CNBD1: variants seen among roughly 807,000 people sequenced by gnomAD.
CNBD1 encodes the protein cyclic nucleotide-binding domain-containing protein 1.
Under a neutral mutation model 54.4 loss-of-function variants are expected in CNBD1, and 71 were observed. That is an observed-to-expected ratio of 1.30 (90% CI 1.08 to 1.59). The LOEUF is 1.59. Ranked by LOEUF, CNBD1 falls within the 40% of genes most tolerant of loss-of-function variation. The pLI, the probability that CNBD1 is intolerant of heterozygous loss-of-function variation, is 0.00. For missense variants in CNBD1, 659 were observed against 518.0 expected, an observed-to-expected ratio of 1.27 and a Z score of -2.64; for synonymous variants, 182 against 170.7, an observed-to-expected ratio of 1.07 and a Z score of -0.51.
chr8:87,342,370 T>C (rs1236254417), intron 8 of CNBD1, among the ~76,000 whole-genome samples: 1 of 152,238 alleles, frequency 6.6e-6, no homozygotes, highest in Non-Finnish European at 1.5e-5. Context: ...TATTCCACTG[T>C]CTTGTTTGAA....
Position 87,382,758 on chromosome 8 carries a change from C to T in CNBD1, c.*131C>T. 1 of 543,172 alleles carries T rather than the reference C, an allele frequency of 1.8e-6. No individual in the cohort carries two copies. The highest frequency in any genetic ancestry group is 3.6e-5 in the Admixed American group (1 of 27,800). 33.6% of individuals were successfully genotyped at this position (543,172 alleles called of 1,614,324 possible). On this transcript the variant is annotated 3_prime_UTR_variant, in exon 11 of 11. Transcript: ENST00000518476. ...TTGTGACTACATATCCTGGATTCCC[C>T]AGGAAAGTCCCACTTTCGAATTGCC... is the stretch of plus-strand genomic sequence containing the variant.
chr8:87,400,910 T>C (rs946577551), intron 2 of CNBD1, among the ~76,000 whole-genome samples: 9 of 152,050 alleles, frequency 5.9e-5, no homozygotes, highest in Admixed American at 5.9e-4. Context: ...AATTAATTTA[T>C]CTCAGAAAGT....
At chr8:86,954,328 C>A (rs1179795423) in intron 4 of CNBD1, among the ~76,000 whole-genome samples, 1 of 152,168 alleles carries the variant, frequency 6.6e-6, no homozygotes, top group East Asian at 1.9e-4. Flanking sequence ...TCTTTTATAA[C>A]ACTTCATAAG....
At chr8:86,919,672 C>T (rs1216384243) in intron 3 of CNBD1, among the ~76,000 whole-genome samples, 2 of 152,092 alleles carry the variant, frequency 1.3e-5, no homozygotes, top group Non-Finnish European at 2.9e-5. Flanking sequence ...AGGCTAGTGG[C>T]CTCCTGCTTG....
intron 5 of CNBD1, among the ~76,000 whole-genome samples, chr8:87,232,959 TAC>T (rs1347722739): frequency 6.6e-6 from 1 of 152,188 alleles, no homozygotes; most frequent in Non-Finnish European, 1.5e-5. Flanking sequence ...TATTATTAGA[TAC>T]AGTCTTTTTC....
chr8:87,017,881 A>G lies in CNBD1; in HGVS notation c.431+78127A>G, dbSNP rs1218456613. On this transcript the variant is annotated intron_variant, in intron 4 of 10. Coordinates refer to ENST00000518476, the MANE Select transcript of CNBD1 (RefSeq NM_173538.3). Reference sequence around the variant, plus strand: ...TAATAATTTTTTAAAAAACAAAGGCACTCGTTATTTTATAAAGACTGAAAC... The same window carrying G: ...TAATAATTTTTTAAAAAACAAAGGCGCTCGTTATTTTATAAAGACTGAAAC... 3.3e-5 allele frequency among the ~76,000 whole-genome samples: 5 copies of G among 152,244 alleles called. No homozygotes were observed. The South Asian group carries it at 1.0e-3, about 32-fold the overall frequency.
intron 10 of CNBD1, among the ~76,000 whole-genome samples, chr8:87,360,234 T>C (rs75584658): frequency 0.019 from 2,845 of 152,072 alleles, 90 homozygotes; most frequent in African/African-American, 0.062. Flanking sequence ...TGGAGAATTA[T>C]ATATGCAACC....
At chr8:87,370,601 A>G (rs374330705) in intron 10 of CNBD1, among the ~76,000 whole-genome samples, 58 of 151,820 alleles carry the variant, frequency 3.8e-4, no homozygotes, top group African/African-American at 8.9e-4. Context: ...AAATTTGTTT[A>G]AGTTCATTGT....
intron 8 of CNBD1, among the ~76,000 whole-genome samples, chr8:87,345,409 TGGTGCTC>T (rs2130923037): frequency 6.6e-6 from 1 of 152,320 alleles, no homozygotes; most frequent in South Asian, 2.1e-4. Context: ...AATTCTTTTT[TGGTGCTC>T]TACCCCTTCT....
At chr8:87,421,099 T>A (rs1807926466) in intron 2 of CNBD1, among the ~76,000 whole-genome samples, 1 of 152,016 alleles carries the variant, frequency 6.6e-6, no homozygotes, top group Non-Finnish European at 1.5e-5. Context: ...GATAGATATT[T>A]TTTCAATATA....
Position 86,866,532 on chromosome 8 carries a change from C to T in CNBD1, c.37C>T (p.His13Tyr), listed in dbSNP as rs762891809. 1 of 1,612,274 alleles carries T rather than the reference C, an allele frequency of 6.2e-7. No individual in the cohort carries two copies. Among genetic ancestry groups the T allele is most frequent in the Non-Finnish European group, 8.5e-7 (1 of 1,179,262 alleles). Residue 13 changes from histidine to tyrosine, a missense_variant, in exon 1 of 11, where the codon CAC (histidine) becomes TAC (tyrosine). By Grantham distance (83) the His-to-Tyr change is moderately conservative (BLOSUM62 2). Transcript: ENST00000518476. Reference sequence around the variant, plus strand: ...TTCTCTTCCAGCAGCTATTTTGTCTCACATGACAGCTATTAACAATGTGCC... The same window carrying T: ...TTCTCTTCCAGCAGCTATTTTGTCTTACATGACAGCTATTAACAATGTGCC... ...MSSLPAAILS[H>Y]MTAINNVPPP...
intron 3 of CNBD1, 77 bp from the exon 4 acceptor site, chr8:86,939,519 T>C: frequency 3.0e-6 from 3 of 1,015,720 alleles, no homozygotes; most frequent in Non-Finnish European, 4.2e-6. Flanking sequence ...TTTATACTCC[T>C]GCAATATAGT....
intron 6 of CNBD1, among the ~76,000 whole-genome samples, chr8:87,240,495 A>G (rs1733705410): frequency 6.6e-6 from 1 of 152,210 alleles, no homozygotes; most frequent in African/African-American, 2.4e-5. Context: ...GTATTAATGA[A>G]TAACCTCACT....
intron 10 of CNBD1, among the ~76,000 whole-genome samples, chr8:87,380,462 CTTCATCCTTCTTTCTGCA>C: frequency 6.6e-6 from 1 of 151,926 alleles, no homozygotes; most frequent in Non-Finnish European, 1.5e-5. Context: ...ATGTCTCCAA[CTTCATCCTTCTTTCTGCA>C]GATTGATTTG....
intron 4 of CNBD1, among the ~76,000 whole-genome samples, chr8:87,167,964 C>A (rs1186976964): frequency 2.0e-5 from 3 of 151,910 alleles, no homozygotes; most frequent in Non-Finnish European, 2.9e-5. Flanking sequence ...GATTGCAAAT[C>A]TCTCCAGTAT....
chr8:86,990,668 A>G (rs1351432941), intron 4 of CNBD1, among the ~76,000 whole-genome samples: 1 of 152,036 alleles, frequency 6.6e-6, no homozygotes, highest in Non-Finnish European at 1.5e-5. Context: ...ATCTTTCACT[A>G]TTCTGGGTCT....
At chr8:87,350,680 A>T (rs1344536420) in intron 8 of CNBD1, among the ~76,000 whole-genome samples, 3 of 152,054 alleles carry the variant, frequency 2.0e-5, no homozygotes, top group African/African-American at 7.2e-5. Context: ...TATATACTTT[A>T]TAAAATTATG....
At chr8:87,106,224 T>C (rs1811533485) in intron 4 of CNBD1, among the ~76,000 whole-genome samples, 1 of 152,100 alleles carries the variant, frequency 6.6e-6, no homozygotes. Context: ...TTTCTTTCTT[T>C]TCTTTCTTTG....
At chr8:87,031,601 C>T (rs11786526) in intron 4 of CNBD1, among the ~76,000 whole-genome samples, 1 of 152,112 alleles carries the variant, frequency 6.6e-6, no homozygotes, top group African/African-American at 2.4e-5. Flanking sequence ...AAATCTGTTC[C>T]TTTTCTGGGG....
Sources: gnomAD v4.1 joint callset for allele counts (sites outside exome capture counted in the v4.1 genomes callset) on GRCh38, gnomAD v4.1.1 for gene constraint, MANE v1.5 for transcripts, NCBI Gene and HGNC (gene_info 2026-07-23, HGNC 2026-07-21) for gene names.